Variants in ZNF469 observed in about 807,000 individuals in gnomAD.
The protein encoded by ZNF469 is zinc finger protein 469.
A neutral mutation model predicts 1.0 loss-of-function variants in ZNF469; 1 was observed. The ratio of observed to expected loss-of-function variants is 1.00; its 90% CI spans 0.35 to 4.73. The LOEUF (loss-of-function observed/expected upper bound fraction) is 4.73, where lower values mean the gene tolerates loss of function less well. Among genes scored for constraint, ZNF469 ranks in the 30% most tolerant of loss-of-function variants. The probability of loss-of-function intolerance (pLI) is 0.16; values close to 1 mark genes in which losing one functional copy is unlikely to be tolerated. For missense variants in ZNF469, 6,100 were observed against 5,356.3 expected (o/e 1.14, Z -4.33); for synonymous variants, 2,703 against 2,363.4 (o/e 1.14, Z -4.17).
the ZNF469 span, among the ~76,000 whole-genome samples, chr16:88,328,351 G>C: frequency 6.6e-6 from 1 of 152,230 alleles, no homozygotes; most frequent in Non-Finnish European, 1.5e-5. Flanking sequence ...CTCCCAGCCT[G>C]CACTTCCTTA....
the ZNF469 span, among the ~76,000 whole-genome samples, chr16:88,214,320 C>A: frequency 6.6e-6 from 1 of 152,218 alleles, no homozygotes; most frequent in South Asian, 2.1e-4. Flanking sequence ...AGATGTTCTC[C>A]ATGTGAGGGC....
At chr16:88,394,656 C>G (rs1043891463) in intron 1 of ZNF469, among the ~76,000 whole-genome samples, 1 of 152,178 alleles carries the variant, frequency 6.6e-6, no homozygotes, top group African/African-American at 2.4e-5. Flanking sequence ...GTGAGCTTGT[C>G]GAATGCTGGA....
chr16:88,388,155 A>C (rs896829150), intron 1 of ZNF469, among the ~76,000 whole-genome samples: 5 of 152,222 alleles, frequency 3.3e-5, no homozygotes, highest in African/African-American at 7.2e-5. Context: ...TGGAGGGATG[A>C]GTGAGCAGTG....
chr16:88,239,690 TATATATATATATATATATATA>T, the ZNF469 span, among the ~76,000 whole-genome samples: 1 of 5,616 alleles, frequency 1.8e-4, no homozygotes, highest in African/African-American at 8.2e-4. Flanking sequence ...TATATATATA[TATATATATATATATATATATA>T]TATATTTTTT....
the ZNF469 span, among the ~76,000 whole-genome samples, chr16:88,315,462 C>G: frequency 6.6e-6 from 1 of 152,228 alleles, no homozygotes; most frequent in Admixed American, 6.5e-5. Flanking sequence ...CTCACCCTGG[C>G]ACAGGGGGAG....
At chr16:88,309,348 C>T in the ZNF469 span, among the ~76,000 whole-genome samples, 1 of 152,216 alleles carries the variant, frequency 6.6e-6, no homozygotes, top group Non-Finnish European at 1.5e-5. Flanking sequence ...GTGTTCAGGA[C>T]ACCTGACGGG....
the ZNF469 span, among the ~76,000 whole-genome samples, chr16:88,308,261 C>T: frequency 4.6e-5 from 7 of 152,270 alleles, no homozygotes; most frequent in South Asian, 2.1e-4. Context: ...AAGTGGGATG[C>T]GTGAGTCCTC....
At chr16:88,237,738 ACG>A in the ZNF469 span, among the ~76,000 whole-genome samples, 8 of 102,126 alleles carry the variant, frequency 7.8e-5, 1 homozygote, top group South Asian at 2.8e-3. Context: ...TGCTCCTGCC[ACG>A]CACCCTCCCT....
At chr16:88,162,679 C>G in the ZNF469 span, among the ~76,000 whole-genome samples, 1 of 150,832 alleles carries the variant, frequency 6.6e-6, no homozygotes, top group South Asian at 2.1e-4. Context: ...TGCCCCCCCC[C>G]TTTTATTCTC....
At chr16:88,386,695 G>A (rs1020854967) in intron 1 of ZNF469, among the ~76,000 whole-genome samples, 1 of 152,226 alleles carries the variant, frequency 6.6e-6, no homozygotes, top group Non-Finnish European at 1.5e-5. Context: ...TCCAGGTCAA[G>A]CCTGTCTCCA....
chr16:88,218,321 C>T, the ZNF469 span, among the ~76,000 whole-genome samples: 128 of 128,336 alleles, frequency 1.0e-3, no homozygotes, highest in South Asian at 2.8e-3. Flanking sequence ...TGTTTGAGTT[C>T]ATTGTAGATT....
At chr16:88,392,370 A>G (rs1378834052) in intron 1 of ZNF469, among the ~76,000 whole-genome samples, 1 of 152,252 alleles carries the variant, frequency 6.6e-6, no homozygotes, top group African/African-American at 2.4e-5. Flanking sequence ...CGCCTAGCGT[A>G]GGTGCCTCCT....
At chr16:88,410,241 G>T (rs776799143) in intron 1 of ZNF469, among the ~76,000 whole-genome samples, 1 of 148,560 alleles carries the variant, frequency 6.7e-6, no homozygotes, top group African/African-American at 2.6e-5. Context: ...CGTCTATGAT[G>T]CCGTTGATGG....
the ZNF469 span, among the ~76,000 whole-genome samples, chr16:88,253,327 C>G: frequency 6.6e-6 from 1 of 152,192 alleles, no homozygotes; most frequent in Non-Finnish European, 1.5e-5. Context: ...AGTGAGGGAC[C>G]TGGTTGTCCC....
rs73251725 is a variant in ZNF469, at chr16:88,400,089, G to A, written c.-192+16835G>A. ...CGTGGGGTGAAGGGAGGCAGTGTCC[G>A]GGCCAGCCGTTCATCAGCAGCAAAT... On this transcript the variant is annotated intron_variant, in intron 1 of 2. Coordinates refer to ENST00000565624, the MANE Select transcript of ZNF469 (RefSeq NM_001367624.2). Among the ~76,000 whole-genome samples, 1,080 of 152,332 alleles carry A rather than the reference G, an allele frequency of 7.1e-3. 13 individuals carry two copies. The highest frequency in any genetic ancestry group is 0.025 in the African/African-American group (1,035 of 41,578).
At chr16:88,229,067 C>A in the ZNF469 span, among the ~76,000 whole-genome samples, 1 of 152,242 alleles carries the variant, frequency 6.6e-6, no homozygotes, top group East Asian at 1.9e-4. Context: ...CTCCCCGGGA[C>A]TGCAGACTTT....
chr16:88,327,947 C>T, the ZNF469 span, among the ~76,000 whole-genome samples: 39 of 152,366 alleles, frequency 2.6e-4, no homozygotes, highest in South Asian at 2.1e-4. Flanking sequence ...GGCCGGGCTC[C>T]ATCACGGCTG....
At chr16:88,215,383 A>ACTTTTTTTTTTTTTTTT in the ZNF469 span, among the ~76,000 whole-genome samples, 3 of 94,188 alleles carry the variant, frequency 3.2e-5, 1 homozygote, top group Non-Finnish European at 1.9e-5. Flanking sequence ...TTGCCTTTTA[A>ACTTTTTTTTTTTTTTTT]TTTTTTTTTT....
At chr16:88,407,236 C>T (rs913941668) in intron 1 of ZNF469, among the ~76,000 whole-genome samples, 2 of 104,820 alleles carry the variant, frequency 1.9e-5, no homozygotes, top group East Asian at 2.5e-4. Context: ...GGAGCTCCTG[C>T]GTCACTGGGA....
Sources: gnomAD v4.1 joint callset for allele counts (sites outside exome capture counted in the v4.1 genomes callset) on GRCh38, gnomAD v4.1.1 for gene constraint, MANE v1.5 for transcripts, NCBI Gene and HGNC (gene_info 2026-07-23, HGNC 2026-07-21) for gene names.